Variants in PDSS2 observed in about 807,000 individuals in gnomAD.
PDSS2 encodes the protein all trans-polyprenyl-diphosphate synthase PDSS2.
PDSS2 carries 31 observed loss-of-function variants against 44.5 expected under a neutral mutation model. The observed-to-expected ratio is 0.70, with a 90% CI of 0.52 to 0.94. The LOEUF (loss-of-function observed/expected upper bound fraction) is 0.94, where lower values mean the gene tolerates loss of function less well. PDSS2 is among the 40% of genes least tolerant of loss of function. PDSS2 has a pLI of 0.00. For missense variants in PDSS2, 452 were observed against 482.2 expected (o/e 0.94, Z 0.59); for synonymous variants, 157 against 180.3 (o/e 0.87, Z 1.03).
rs546683971 is a variant in PDSS2, at chr6:107,367,969, T to TA, written c.297-33638dup. On this transcript the variant is annotated intron_variant, in intron 1 of 7. Coordinates refer to ENST00000369037, the MANE Select transcript of PDSS2 (RefSeq NM_020381.4). ...ATCTCAGGATATATGATTGATATAT[T>TA]AAAAAACTATTGTATTTCAGGCCAA... 2.0e-4 allele frequency among the ~76,000 whole-genome samples: 31 copies of TA among 151,962 alleles called. No individual in the cohort carries two copies. The South Asian group carries it at 6.4e-3, about 32-fold the overall frequency.
intron 3 of PDSS2, among the ~76,000 whole-genome samples, chr6:107,253,682 TA>T (rs79739287): frequency 0.052 from 7,879 of 152,272 alleles, 417 homozygotes; most frequent in African/African-American, 0.13. Context: ...TGAGATACAG[TA>T]AAAAATAGTT....
At chr6:107,283,849 A>G (rs573808325) in intron 2 of PDSS2, among the ~76,000 whole-genome samples, 1 of 151,866 alleles carries the variant, frequency 6.6e-6, no homozygotes, top group South Asian at 2.1e-4. Flanking sequence ...CCTGACCAAC[A>G]GGGAGAAACT....
chr6:107,381,280 C>T (rs1256197014), intron 1 of PDSS2, among the ~76,000 whole-genome samples: 1 of 152,166 alleles, frequency 6.6e-6, no homozygotes, highest in African/African-American at 2.4e-5. Context: ...CTTGTTTTTG[C>T]ATTCATCATC....
At position 107,203,710 on chromosome 6, in the gene PDSS2, G is replaced by T. The variant is rs530519875; in HGVS notation, c.1008+6729C>A. 2.6e-5 allele frequency among the ~76,000 whole-genome samples: 4 copies of T among 152,058 alleles called. No homozygotes were observed. The East Asian group carries it at 5.8e-4, about 22-fold the overall frequency. ...TCATTTAAAACAGTATAATTCAGTGGCATTTAGTACATTCACAATGTTATG... is the reference window on the plus strand; with the variant it reads ...TCATTTAAAACAGTATAATTCAGTGTCATTTAGTACATTCACAATGTTATG... On this transcript the variant is annotated intron_variant, in intron 6 of 7. Coordinates refer to ENST00000369037, the MANE Select transcript of PDSS2 (RefSeq NM_020381.4).
chr6:107,412,074 A>C (rs1780518402), intron 1 of PDSS2, among the ~76,000 whole-genome samples: 1 of 150,338 alleles, frequency 6.7e-6, no homozygotes. Context: ...TTTTAGTAGA[A>C]ACGGGGGTTT....
chr6:107,411,168 G>C (rs1287699507), intron 1 of PDSS2, among the ~76,000 whole-genome samples: 1 of 152,158 alleles, frequency 6.6e-6, no homozygotes, highest in Non-Finnish European at 1.5e-5. Flanking sequence ...TTACAGGCGT[G>C]AGCCACTGCA....
chr6:107,242,307 AGG>A (rs1274889717), intron 4 of PDSS2, among the ~76,000 whole-genome samples: 1 of 152,154 alleles, frequency 6.6e-6, no homozygotes, highest in African/African-American at 2.4e-5. Context: ...TCTGTCGCCC[AGG>A]CTGGAGTGCA....
Position 107,355,266 on chromosome 6 carries a change from T to C in PDSS2, c.297-20934A>G, listed in dbSNP as rs112326226. On this transcript the variant is annotated intron_variant, in intron 1 of 7. Coordinates refer to ENST00000369037, the MANE Select transcript of PDSS2 (RefSeq NM_020381.4). ...AGTAAGTTAATTAGAAGTGAGATACTTCATTGTGTGTAACAATCCATGATG... is the reference window on the plus strand; with the variant it reads ...AGTAAGTTAATTAGAAGTGAGATACCTCATTGTGTGTAACAATCCATGATG... Among the ~76,000 whole-genome samples, 601 of 152,312 alleles carry C rather than the reference T, an allele frequency of 3.9e-3. 2 individuals are homozygous for C. The highest frequency in any genetic ancestry group is 6.4e-3 in the Non-Finnish European group (435 of 68,036).
chr6:107,193,880 T>C (rs957825770), intron 6 of PDSS2, 26 bp from the exon 7 acceptor site: 20 of 1,506,016 alleles, frequency 1.3e-5, no homozygotes, highest in Non-Finnish European at 1.5e-5. Flanking sequence ...GGAAAATTAA[T>C]TTGTTACTTC....
At chr6:107,415,617 C>T (rs373322406) in intron 1 of PDSS2, among the ~76,000 whole-genome samples, 2 of 152,160 alleles carry the variant, frequency 1.3e-5, no homozygotes, top group African/African-American at 4.8e-5. Flanking sequence ...TTTATTGTGG[C>T]TCCATCTAGA....
intron 4 of PDSS2, among the ~76,000 whole-genome samples, chr6:107,226,311 C>CA (rs1562390551): frequency 3.3e-5 from 5 of 151,260 alleles, no homozygotes; most frequent in Admixed American, 1.3e-4. Context: ...GACTCCGTCT[C>CA]AAAAAAAAGA....
At chr6:107,310,195 G>A (rs1054975187) in intron 2 of PDSS2, among the ~76,000 whole-genome samples, 1 of 147,208 alleles carries the variant, frequency 6.8e-6, no homozygotes, top group Non-Finnish European at 1.5e-5. Flanking sequence ...TGAGGCAGGA[G>A]AATCACTTGA....
At chr6:107,348,712 T>C (rs1778330389) in intron 1 of PDSS2, among the ~76,000 whole-genome samples, 1 of 152,130 alleles carries the variant, frequency 6.6e-6, no homozygotes. Flanking sequence ...AACAGACAAA[T>C]AATAAATAGT....
intron 6 of PDSS2, among the ~76,000 whole-genome samples, chr6:107,202,197 C>A (rs1270923047): frequency 2.6e-5 from 4 of 152,108 alleles, no homozygotes; most frequent in Admixed American, 2.6e-4. Flanking sequence ...CACCACCACA[C>A]CTGGCTACTT....
chr6:107,426,042 T>C (rs1780992310), intron 1 of PDSS2, among the ~76,000 whole-genome samples: 1 of 151,396 alleles, frequency 6.6e-6, no homozygotes, highest in Non-Finnish European at 1.5e-5. Context: ...AGGAGCCAAA[T>C]GTTAATCACC....
At chr6:107,159,052 G>C (rs898699112) in intron 7 of PDSS2, among the ~76,000 whole-genome samples, 2 of 151,970 alleles carry the variant, frequency 1.3e-5, no homozygotes, top group Non-Finnish European at 1.5e-5. Flanking sequence ...GTTCTAAGTG[G>C]GGATAATATA....
intron 1 of PDSS2, among the ~76,000 whole-genome samples, chr6:107,396,146 T>C (rs1583031763): frequency 6.6e-6 from 1 of 152,212 alleles, no homozygotes; most frequent in Non-Finnish European, 1.5e-5. Context: ...GAAGTTGTTT[T>C]TGCACACTCC....
intron 2 of PDSS2, among the ~76,000 whole-genome samples, chr6:107,299,337 G>C (rs1776620985): frequency 6.6e-6 from 1 of 151,748 alleles, no homozygotes. Flanking sequence ...TCCAACCCAG[G>C]CATCTCACTA....
intron 1 of PDSS2, among the ~76,000 whole-genome samples, chr6:107,444,918 T>C (rs1364548198): frequency 6.6e-6 from 1 of 152,152 alleles, no homozygotes; most frequent in Non-Finnish European, 1.5e-5. Context: ...ATCAAGAGCA[T>C]AGTTTTTTGA....
Sources: gnomAD v4.1 joint callset for allele counts (sites outside exome capture counted in the v4.1 genomes callset) on GRCh38, gnomAD v4.1.1 for gene constraint, MANE v1.5 for transcripts, NCBI Gene and HGNC (gene_info 2026-07-23, HGNC 2026-07-21) for gene names.